Variants in PLEKHA7 observed in about 807,000 individuals in gnomAD.
The protein encoded by PLEKHA7 is pleckstrin homology domain-containing family A member 7.
Under a neutral mutation model 170.0 loss-of-function variants are expected in PLEKHA7, and 104 were observed. That is an observed-to-expected ratio of 0.61 (90% CI 0.52 to 0.72). The LOEUF (loss-of-function observed/expected upper bound fraction) is 0.72, where lower values mean the gene tolerates loss of function less well. PLEKHA7 is among the 30% of genes least tolerant of loss of function. The pLI, the probability that PLEKHA7 is intolerant of heterozygous loss-of-function variation, is 0.00. For missense variants in PLEKHA7, 1,615 were observed against 1,671.7 expected (o/e 0.97, Z 0.59); for synonymous variants, 648 against 660.8 (o/e 0.98, Z 0.30).
chr11:16,816,945 G>A lies in PLEKHA7; in HGVS notation c.1721C>T (p.Pro574Leu), dbSNP rs199983115. 6.2e-7 allele frequency: 1 copy of A among 1,613,086 alleles called. No individual in the cohort carries two copies. Among genetic ancestry groups the A allele is most frequent in the East Asian group, 2.2e-5 (1 of 44,856 alleles). ...GAAGACCCTTGGGGGTCCTGGGGGA[G>A]GGATGTCCGAGGGAGATGGAGGCAC... Reference protein sequence around the residue: ...ISVPPSPSDIPPPGPPRVFPP... With the variant: ...ISVPPSPSDILPPGPPRVFPP... The change falls in exon 11 of 27, where the codon CCT becomes CTT. Residue 574 changes from proline to leucine, a missense_variant. Pro to Leu is a moderately conservative substitution (Grantham distance 98). Transcript: ENST00000531066.
chr11:16,983,807 G>A (rs1565179824), intron 3 of PLEKHA7, among the ~76,000 whole-genome samples: 1 of 152,194 alleles, frequency 6.6e-6, no homozygotes, highest in Non-Finnish European at 1.5e-5. Context: ...CTCCCAAAAG[G>A]GCAGAAGATA....
At chr11:16,878,725 G>T (rs561804190) in intron 3 of PLEKHA7, among the ~76,000 whole-genome samples, 3 of 152,270 alleles carry the variant, frequency 2.0e-5, no homozygotes, top group Non-Finnish European at 1.5e-5. Context: ...ACTTCACAAA[G>T]AGCTGGGATT....
intron 3 of PLEKHA7, among the ~76,000 whole-genome samples, chr11:16,933,631 G>A (rs1014114640): frequency 6.6e-5 from 10 of 151,796 alleles, no homozygotes; most frequent in African/African-American, 2.4e-4. Context: ...GGGGAGGAGA[G>A]GTGTTAAAAT....
rs769329120 is a variant in PLEKHA7, at chr11:16,817,311, T to C, written c.1355A>G (p.Asp452Gly). Reference protein sequence around the residue: ...QKGDSRSLPLDQTLPRQGPGQ... With the variant: ...QKGDSRSLPLGQTLPRQGPGQ... ...AGGACCCTGGCGAGGAAGCGTCTGG[T>C]CCAAGGGAAGACTGAGGAGAAAGGG... Residue 452 changes from aspartate to glycine, a missense_variant, in exon 11 of 27, where the codon GAC (aspartate) becomes GGC (glycine). By Grantham distance (94) the Asp-to-Gly change is moderately conservative. Transcript: ENST00000531066. The surrounding 1 kb of genome is among the most constrained non-coding windows in gnomAD (Gnocchi z 4.4). 1.9e-6 allele frequency: 3 copies of C among 1,608,596 alleles called. No individual in the cohort carries two copies. Among genetic ancestry groups the C allele is most frequent in the Non-Finnish European group, 1.7e-6 (2 of 1,179,146 alleles).
intron 3 of PLEKHA7, among the ~76,000 whole-genome samples, chr11:16,875,280 C>A (rs554205422): frequency 6.6e-6 from 1 of 152,074 alleles, no homozygotes; most frequent in African/African-American, 2.4e-5. Flanking sequence ...GTAAGCAGGG[C>A]AGATATTTTT....
chr11:16,917,689 A>T (rs1312007859), intron 3 of PLEKHA7, among the ~76,000 whole-genome samples: 2 of 152,202 alleles, frequency 1.3e-5, no homozygotes, highest in Non-Finnish European at 2.9e-5. Context: ...CCTTCCCTTC[A>T]TCATATCCGA....
At chr11:16,933,881 T>C (rs1860110193) in intron 3 of PLEKHA7, among the ~76,000 whole-genome samples, 1 of 152,086 alleles carries the variant, frequency 6.6e-6, no homozygotes, top group South Asian at 2.1e-4. Context: ...CAGCACAAGA[T>C]TGTAACTTGT....
chr11:16,856,042 T>C, intron 4 of PLEKHA7, 128 bp from the exon 5 acceptor site: 1 of 741,418 alleles, frequency 1.3e-6, no homozygotes, highest in Non-Finnish European at 2.3e-6. Flanking sequence ...GTTTGGAGGC[T>C]GCCTGACTCC....
At chr11:16,855,103 C>T in intron 5 of PLEKHA7, 110 bp from the exon 6 acceptor site, 5 of 827,094 alleles carry the variant, frequency 6.0e-6, no homozygotes, top group Non-Finnish European at 1.0e-5. Flanking sequence ...TAAATGGCAG[C>T]ACCCTTTGAT....
chr11:16,912,977 C>T (rs1367941742), intron 3 of PLEKHA7, among the ~76,000 whole-genome samples: 2 of 152,182 alleles, frequency 1.3e-5, no homozygotes, highest in African/African-American at 2.4e-5. Flanking sequence ...CATCCTACTG[C>T]TCCATAATAA....
chr11:16,859,556 C>CAA (rs1853764847), intron 4 of PLEKHA7, among the ~76,000 whole-genome samples: 1 of 152,196 alleles, frequency 6.6e-6, no homozygotes, highest in Non-Finnish European at 1.5e-5. Context: ...CCCGAAGAGA[C>CAA]AACACTGAAA....
intron 8 of PLEKHA7, 59 bp from the exon 9 acceptor site, chr11:16,841,781 G>C: frequency 6.5e-7 from 1 of 1,547,976 alleles, no homozygotes; most frequent in Non-Finnish European, 8.8e-7. Flanking sequence ...TCCTTTATAG[G>C]AGCAAAAGCA....
chr11:16,826,705 G>A (rs533657889), intron 9 of PLEKHA7, 115 bp from the exon 10 acceptor site: 56 of 915,982 alleles, frequency 6.1e-5, no homozygotes, highest in Admixed American at 1.5e-4. Context: ...TGCTCAGAAC[G>A]CCTTTCATGC....
chr11:16,895,414 T>G (rs1457698239), intron 3 of PLEKHA7, among the ~76,000 whole-genome samples: 3 of 152,288 alleles, frequency 2.0e-5, no homozygotes, highest in Non-Finnish European at 2.9e-5. Flanking sequence ...TTCAGAGCAC[T>G]TCCTCCTTTG....
chr11:16,955,243 A>T (rs1216516139), intron 3 of PLEKHA7, among the ~76,000 whole-genome samples: 1 of 152,200 alleles, frequency 6.6e-6, no homozygotes, highest in Admixed American at 6.5e-5. Context: ...TTTTTCCTGG[A>T]GTATTCCTCT....
At chr11:16,849,199 T>C (rs373206947) in intron 8 of PLEKHA7, among the ~76,000 whole-genome samples, 18 of 152,130 alleles carry the variant, frequency 1.2e-4, no homozygotes, top group African/African-American at 4.3e-4. Flanking sequence ...CCAAGAAAAA[T>C]GTTGAGAAAA....
chr11:16,841,679 G>A lies in PLEKHA7; in HGVS notation c.740C>T (p.Thr247Ile), dbSNP rs1851975431. 6.2e-7 allele frequency: 1 copy of A among 1,614,072 alleles called. No homozygotes were observed. The highest frequency in any genetic ancestry group is 1.7e-5 in the Admixed American group (1 of 60,006). ...TGACTGCTCGGCCTGAGAGCCCGCT[G>A]TGGAGCTGTTATAGATGAGCGCTCG... ...GMRALIYNSS[T>I]AGSQAEQSGM... The change falls in exon 9 of 27, where the codon ACA becomes ATA. Residue 247 changes from threonine (T) to isoleucine (I), a missense_variant. Coordinates refer to ENST00000531066, the MANE Select transcript of PLEKHA7 (RefSeq NM_001329630.2).
intron 3 of PLEKHA7, among the ~76,000 whole-genome samples, chr11:16,946,791 A>G (rs934768707): frequency 2.0e-5 from 3 of 151,262 alleles, no homozygotes; most frequent in Non-Finnish European, 4.4e-5. Flanking sequence ...CTCCAGCAAC[A>G]CCCCCTCCCC....
intron 3 of PLEKHA7, among the ~76,000 whole-genome samples, chr11:16,890,108 A>G (rs1856515323): frequency 1.3e-5 from 2 of 152,098 alleles, no homozygotes; most frequent in African/African-American, 4.8e-5. Context: ...ACACTAGGGG[A>G]ATTTTTCACC....
Sources: gnomAD v4.1 joint callset for allele counts (sites outside exome capture counted in the v4.1 genomes callset) on GRCh38, gnomAD v4.1.1 for gene constraint, Gnocchi (gnomAD v3.1) non-coding constraint, MANE v1.5 for transcripts, NCBI Gene and HGNC (gene_info 2026-07-23, HGNC 2026-07-21) for gene names.